KIAA1671: variants seen among roughly 807,000 people sequenced by gnomAD.
The protein encoded by KIAA1671 is uncharacterized protein KIAA1671.
A neutral mutation model predicts 131.2 loss-of-function variants in KIAA1671; 52 were observed. The observed-to-expected ratio is 0.40, with a 90% CI of 0.32 to 0.50. The LOEUF (loss-of-function observed/expected upper bound fraction) is 0.50. Ranked by LOEUF, KIAA1671 falls within the 20% of genes least tolerant of loss-of-function variation. The pLI is 0.73. For synonymous variants in KIAA1671, 1,003 were observed against 961.6 expected (o/e 1.04, Z -0.80); for missense variants, 2,360 against 2,364.2 (o/e 1.00, Z 0.04).
At chr22:24,992,318 TG>T (rs1923883317) in intron 1 of KIAA1671, among the ~76,000 whole-genome samples, 1 of 152,176 alleles carries the variant, frequency 6.6e-6, no homozygotes, top group African/African-American at 2.4e-5. Context: ...GGGCTTTTAC[TG>T]GGGGACAGGG....
chr22:24,999,603 C>G (rs1217297218), intron 1 of KIAA1671, among the ~76,000 whole-genome samples: 2 of 150,040 alleles, frequency 1.3e-5, no homozygotes, highest in Non-Finnish European at 3.0e-5. Context: ...CACTCTGTTG[C>G]CTAGGCTGGA....
chr22:25,193,607 C>G lies in KIAA1671; in HGVS notation c.*1206C>G, dbSNP rs1293272138. On this transcript the variant is annotated 3_prime_UTR_variant, in exon 13 of 13. Transcript: ENST00000358431. ...CAGGAGTTCATTTGTCTCTCTGTCT[C>G]AGCTTCCTCCCTCATCTTCCTTTAC... The G allele has an allele frequency of 6.6e-6, 1 of 152,312 alleles. No homozygotes were observed. Among genetic ancestry groups the G allele is most frequent in the Non-Finnish European group, 1.5e-5 (1 of 68,072 alleles). The allele number at this position is 152,312 out of a possible 1,614,324, so 9.4% of individuals were successfully genotyped here.
In KIAA1671 at chr22:24,955,080, C is replaced by G. The variant is rs541559279; in HGVS notation, c.-208+2308C>G. Among the ~76,000 whole-genome samples the G allele has an allele frequency of 5.3e-4, 81 of 152,300 alleles. 1 individual carries two copies. Among genetic ancestry groups the G allele is most frequent in the African/African-American group, 1.6e-3 (66 of 41,560 alleles). Reference sequence around the variant, plus strand: ...ACAGGCATGAGCCACTGCGCCTGGCCGGGGCTGTTTTTTATTGAAGGCTGA... The same window carrying G: ...ACAGGCATGAGCCACTGCGCCTGGCGGGGGCTGTTTTTTATTGAAGGCTGA... On this transcript the variant is annotated intron_variant, in intron 1 of 12. Coordinates refer to ENST00000358431, the MANE Select transcript of KIAA1671 (RefSeq NM_001145206.2).
intron 6 of KIAA1671, chr22:25,061,361 C>T (rs886452238): frequency 6.6e-6 from 1 of 152,208 alleles, no homozygotes; most frequent in Non-Finnish European, 1.5e-5. Flanking sequence ...TGCACCCTAT[C>T]CTGTGAACTC....
At chr22:24,994,533 A>G (rs371969758) in intron 1 of KIAA1671, among the ~76,000 whole-genome samples, 5 of 152,176 alleles carry the variant, frequency 3.3e-5, no homozygotes, top group Non-Finnish European at 5.9e-5. Flanking sequence ...GGAGTCCAAC[A>G]GTGTTTGGTA....
intron 1 of KIAA1671, among the ~76,000 whole-genome samples, chr22:24,963,364 C>CAAA (rs766667437): frequency 1.3e-4 from 6 of 46,618 alleles, no homozygotes; most frequent in African/African-American, 2.3e-4. Flanking sequence ...AACTCCATCT[C>CAAA]AAAAAAAAAA....
intron 6 of KIAA1671, among the ~76,000 whole-genome samples, chr22:25,079,476 AAGAC>A (rs1272064947): frequency 6.6e-6 from 1 of 152,156 alleles, no homozygotes; most frequent in Admixed American, 6.5e-5. Flanking sequence ...GTGCTGGGGA[AAGAC>A]AGAAGGAACC....
intron 1 of KIAA1671, among the ~76,000 whole-genome samples, chr22:25,018,012 G>A (rs1177266398): frequency 2.0e-5 from 3 of 151,728 alleles, no homozygotes; most frequent in African/African-American, 7.3e-5. Flanking sequence ...TTCCTCTGCT[G>A]ACACCAACCT....
At chr22:25,190,636 C>A (rs1934642624) in intron 11 of KIAA1671, 66 bp from the exon 12 acceptor site, 1 of 1,356,348 alleles carries the variant, frequency 7.4e-7, no homozygotes. Flanking sequence ...GGATACCACT[C>A]AGTCCTGCCC....
chr22:24,970,056 A>G (rs1341416967), intron 1 of KIAA1671, among the ~76,000 whole-genome samples: 1 of 152,206 alleles, frequency 6.6e-6, no homozygotes, highest in Admixed American at 6.5e-5. Flanking sequence ...CTCTCAAACC[A>G]GTCCTGATCT....
chr22:25,099,301 C>T lies in KIAA1671; in HGVS notation c.4530+49937C>T, dbSNP rs78144518. Among the ~76,000 whole-genome samples, 672 of 152,208 alleles carry T rather than the reference C, an allele frequency of 4.4e-3. 3 individuals carry two copies. Among genetic ancestry groups the T allele is most frequent in the African/African-American group, 0.014 (599 of 41,532 alleles). Reference sequence around the variant, plus strand: ...GAAGGTGAGGCTCAGAGAAGGTAAGCTACTTGCCCAGGATCACATAGCAAG... The same window carrying T: ...GAAGGTGAGGCTCAGAGAAGGTAAGTTACTTGCCCAGGATCACATAGCAAG... On this transcript the variant is annotated intron_variant, in intron 6 of 12. Coordinates refer to ENST00000358431, the MANE Select transcript of KIAA1671 (RefSeq NM_001145206.2).
At position 24,979,550 on chromosome 22, in the gene KIAA1671, T is replaced by C. The variant is rs1042785190; in HGVS notation, c.-208+26778T>C. On this transcript the variant is annotated intron_variant, in intron 1 of 12. Coordinates refer to ENST00000358431, the MANE Select transcript of KIAA1671 (RefSeq NM_001145206.2). ...ATTTTTAGTAGAGACAGGGTTTCACTGTGTTAGCCAAGATGGTCTCGATCT... is the reference window on the plus strand; with the variant it reads ...ATTTTTAGTAGAGACAGGGTTTCACCGTGTTAGCCAAGATGGTCTCGATCT... Among the ~76,000 whole-genome samples the C allele has an allele frequency of 4.7e-5, 7 of 147,488 alleles. No homozygotes were observed. In the South Asian group the frequency reaches 6.5e-4, roughly 14 times the overall value.
At chr22:25,090,198 G>T (rs1403022210) in intron 6 of KIAA1671, among the ~76,000 whole-genome samples, 2 of 152,232 alleles carry the variant, frequency 1.3e-5, no homozygotes, top group Non-Finnish European at 2.9e-5. Flanking sequence ...GCACTGGAGT[G>T]TGCTGAGCTC....
intron 1 of KIAA1671, among the ~76,000 whole-genome samples, chr22:25,002,191 A>G (rs1924514621): frequency 6.6e-6 from 1 of 152,120 alleles, no homozygotes; most frequent in African/African-American, 2.4e-5. Context: ...GATCCAGGAA[A>G]AAAACCACTT....
intron 6 of KIAA1671, among the ~76,000 whole-genome samples, chr22:25,079,491 A>G (rs1929286158): frequency 6.6e-6 from 1 of 152,192 alleles, no homozygotes; most frequent in East Asian, 1.9e-4. Flanking sequence ...AGAAGGAACC[A>G]GGTAAGAAGG....
Position 25,040,230 on chromosome 22 carries a change from A to T in KIAA1671, c.3100A>T (p.Ile1034Phe). 6.4e-7 allele frequency: 1 copy of T among 1,551,734 alleles called. No homozygotes were observed. The highest frequency in any genetic ancestry group is 8.7e-7 in the Non-Finnish European group (1 of 1,147,016). The change falls in exon 5 of 13, where the codon ATT becomes TTT. Residue 1034 changes from isoleucine (I) to phenylalanine (F), a missense_variant. This residue lies in a region of KIAA1671 where 1,161 missense variants were observed against 1,204.7 expected (regional missense o/e 0.96). Transcript: ENST00000358431. ...KATFFAVTYQ[I>F]PNTQKAKGVV... ...GACATTTTTTGCAGTCACCTATCAG[A>T]TTCCCAATACTCAAAAGGCAAAGGG... is the stretch of plus-strand genomic sequence containing the variant.
chr22:24,971,563 T>G (rs1922616008), intron 1 of KIAA1671, among the ~76,000 whole-genome samples: 1 of 152,198 alleles, frequency 6.6e-6, no homozygotes, highest in Non-Finnish European at 1.5e-5. Flanking sequence ...TTAGTTTCCC[T>G]GAAGGATGGC....
In KIAA1671 at chr22:25,123,909, T is replaced by G. The variant is rs116798390; in HGVS notation, c.4531-46911T>G. 6.6e-4 allele frequency among the ~76,000 whole-genome samples: 101 copies of G among 152,300 alleles called. 1 individual carries two copies. The highest frequency in any genetic ancestry group is 2.3e-3 in the African/African-American group (96 of 41,536). ...GTACACATTTCTTCTCACTTACGCT[T>G]GTGGAAATAGTCCAAGGATGGCCAG... is the stretch of plus-strand genomic sequence containing the variant. On this transcript the variant is annotated intron_variant, in intron 6 of 12. Coordinates refer to ENST00000358431, the MANE Select transcript of KIAA1671 (RefSeq NM_001145206.2).
chr22:25,027,299 G>A (rs2123900222), intron 2 of KIAA1671, among the ~76,000 whole-genome samples: 1 of 152,342 alleles, frequency 6.6e-6, no homozygotes, highest in African/African-American at 2.4e-5. Flanking sequence ...TAGGGCATGG[G>A]TTCCAAGGTC....
Sources: allele counts gnomAD v4.1 joint callset (sites outside exome capture counted in the v4.1 genomes callset), GRCh38; gene constraint gnomAD v4.1.1; regional missense constraint gnomAD v4.1.1; transcripts MANE v1.5; gene names NCBI Gene and HGNC (gene_info 2026-07-23, HGNC 2026-07-21).